TERF1: variants seen among roughly 807,000 people sequenced by gnomAD.
TERF1 encodes the protein telomeric repeat-binding factor 1.
A neutral mutation model predicts 55.1 loss-of-function variants in TERF1; 20 were observed. That is an observed-to-expected ratio of 0.36 (90% CI 0.26 to 0.53). The LOEUF is 0.53. Among genes scored for constraint, TERF1 ranks in the 20% least tolerant of loss-of-function variants. The pLI is 0.91. For missense variants in TERF1, 439 were observed against 535.7 expected (o/e 0.82, Z 1.78); for synonymous variants, 168 against 181.2 (o/e 0.93, Z 0.59).
rs1458423889 is a variant in TERF1 at position 73,024,856 on chromosome 8, A to G, written c.659A>G (p.Gln220Arg). The G allele has an allele frequency of 8.2e-6, 13 of 1,587,794 alleles. No individual in the cohort carries two copies. The highest frequency in any genetic ancestry group is 1.1e-5 in the Non-Finnish European group (13 of 1,170,764). ...AGCAAATTGCTTATGATAATCTCTC[A>G]GAAAGATACATTTCATTCCTTTTTT... ...FKSKLLMIIS[Q>R]KDTFHSFFQH... The change falls in exon 5 of 10, where the codon CAG becomes CGG. Residue 220 changes from glutamine (Q) to arginine (R), a missense_variant. Transcript: ENST00000276603.
intron 2 of TERF1, among the ~76,000 whole-genome samples, chr8:73,015,191 T>C (rs977529853): frequency 1.3e-5 from 2 of 152,148 alleles, no homozygotes; most frequent in African/African-American, 4.8e-5. Context: ...TTTGGATATA[T>C]CCTAGATATA....
At chr8:73,027,107 T>C in intron 6 of TERF1, 55 bp downstream of exon 6, 3 of 1,250,556 alleles carry the variant, frequency 2.4e-6, no homozygotes, top group Non-Finnish European at 3.4e-6. Context: ...TCTGTCTTTA[T>C]GTAAAATTGA....
intron 3 of TERF1, among the ~76,000 whole-genome samples, chr8:73,021,581 CTCT>C (rs1808754119): frequency 1.3e-5 from 2 of 152,104 alleles, no homozygotes; most frequent in South Asian, 4.1e-4. Flanking sequence ...TCACATAAAA[CTCT>C]TACATCCTCA....
Position 73,039,171 on chromosome 8 carries a change from A to G in TERF1, c.1095A>G (p.Ser365=), listed in dbSNP as rs1271795766. The G allele has an allele frequency of 6.2e-7, 1 of 1,606,396 alleles. No individual in the cohort carries two copies. The highest frequency in any genetic ancestry group is 1.7e-5 in the Admixed American group (1 of 59,008). ...RRATESRIPV[S]KSQPVTPEKH... is the part of the protein sequence containing the mutation. ...CCACTGAAAGCAGAATACCTGTTTC[A>G]AAGAGTCAGCCGGTAACTCCTGAAA... Residue 365 remains serine (S), a synonymous_variant, in exon 9 of 10, where the codon TCA becomes TCG. Transcript: ENST00000276603.
intron 8 of TERF1, among the ~76,000 whole-genome samples, chr8:73,037,703 A>G (rs1322903222): frequency 5.4e-4 from 9 of 16,586 alleles, no homozygotes; most frequent in African/African-American, 1.2e-3. Flanking sequence ...ATAGTATAAT[A>G]TTATATTATA....
intron 9 of TERF1, among the ~76,000 whole-genome samples, chr8:73,043,718 A>G (rs56044466): frequency 7.2e-6 from 1 of 137,950 alleles, no homozygotes; most frequent in East Asian, 1.9e-4. Context: ...TTCAGAAAAC[A>G]TTGGTCATTT....
At chr8:73,037,312 T>C (rs1329132656) in intron 8 of TERF1, among the ~76,000 whole-genome samples, 1 of 130,884 alleles carries the variant, frequency 7.6e-6, no homozygotes, top group African/African-American at 2.8e-5. Flanking sequence ...ACCTATCTAC[T>C]TACCTACCTA....
At chr8:73,022,120 A>G (rs899715595) in intron 3 of TERF1, 96 bp from the exon 4 acceptor site, 19 of 682,994 alleles carry the variant, frequency 2.8e-5, no homozygotes, top group Non-Finnish European at 4.2e-5. Flanking sequence ...AATGTTCTCA[A>G]CAGAGGATTT....
In TERF1 at chr8:73,026,981, A is replaced by G. The variant is rs528829977; in HGVS notation, c.816A>G (p.Ile272Met). 6 of 1,612,382 alleles carry G rather than the reference A, an allele frequency of 3.7e-6. No homozygotes were observed. The African/African-American group carries it at 4.0e-5, about 11-fold the overall frequency. Reference protein sequence around the residue: ...KVVESKRTRTITSQDKPSGND... With the variant: ...KVVESKRTRTMTSQDKPSGND... ...TAGAAAGCAAAAGGACAAGAACAAT[A>G]ACTTCTCAAGATAAACCTAGTGGTA... is the stretch of plus-strand genomic sequence containing the variant. Residue 272 changes from isoleucine to methionine, a missense_variant, in exon 6 of 10, where the codon ATA becomes ATG. This residue lies in a region of TERF1 where 140 missense variants were observed against 158.6 expected (regional missense o/e 0.88). Transcript: ENST00000276603.
Position 73,045,939 on chromosome 8 carries a change from CTG to C in TERF1, c.1144-20_1144-19del, listed in dbSNP as rs745807686. 1.4e-6 allele frequency: 2 copies of C among 1,475,236 alleles called. No individual in the cohort carries two copies. The highest frequency in any genetic ancestry group is 1.5e-5 in the South Asian group (1 of 67,780). 91.4% of individuals were successfully genotyped at this position (1,475,236 alleles called of 1,614,324 possible). A position where few individuals can be genotyped will look rare whatever the true frequency, so the allele number is the denominator to read the frequency against. On this transcript the variant is annotated intron_variant, in intron 9 of 9. Coordinates refer to ENST00000276603, the MANE Select transcript of TERF1 (RefSeq NM_017489.3). ...TTTGAATAATTGTTTCTGTAAATAA[CTG>C]TTTTACTTTTTATCAAAAGGCATGG... is the stretch of plus-strand genomic sequence containing the variant.
chr8:73,037,892 TAA>T (rs1809664165), intron 8 of TERF1, among the ~76,000 whole-genome samples: 1 of 121,724 alleles, frequency 8.2e-6, no homozygotes, highest in Non-Finnish European at 1.6e-5. Flanking sequence ...ATATGATATA[TAA>T]TATATATAAA....
At chr8:73,025,780 A>G (rs866554780) in intron 5 of TERF1, among the ~76,000 whole-genome samples, 4 of 127,622 alleles carry the variant, frequency 3.1e-5, no homozygotes, top group African/African-American at 5.8e-5. Flanking sequence ...AAAAAAAAAA[A>G]GCTGGGCATG....
At chr8:73,038,789 C>A in intron 8 of TERF1, 1 of 958,498 alleles carries the variant, frequency 1.0e-6, no homozygotes, top group Non-Finnish European at 1.2e-6. Flanking sequence ...ACTCCTAAAA[C>A]ATTATCGTAA....
At chr8:73,032,934 A>G (rs961855114) in intron 8 of TERF1, among the ~76,000 whole-genome samples, 1 of 151,576 alleles carries the variant, frequency 6.6e-6, no homozygotes, top group Admixed American at 6.6e-5. Context: ...TTTGTTACAT[A>G]TGTATACATG....
chr8:73,018,581 C>T (rs1808624188), intron 2 of TERF1, among the ~76,000 whole-genome samples: 1 of 152,172 alleles, frequency 6.6e-6, no homozygotes, highest in South Asian at 2.1e-4. Flanking sequence ...GAGACTGAAA[C>T]AGCAGAATCG....
intron 4 of TERF1, 131 bp from the exon 5 acceptor site, chr8:73,024,691 T>G (rs1563461977): frequency 2.9e-6 from 2 of 689,746 alleles, no homozygotes; most frequent in Non-Finnish European, 4.6e-6. Context: ...ATTTAAAACT[T>G]AATTTTAAAA....
chr8:73,037,901 T>A (rs1203795315), intron 8 of TERF1, among the ~76,000 whole-genome samples: 6 of 123,246 alleles, frequency 4.9e-5, no homozygotes, highest in Admixed American at 2.2e-4. Context: ...ATAATATATA[T>A]AAATATGATA....
rs1037530113 is a variant in TERF1, at chr8:73,039,134, A to T, written c.1058A>T (p.Glu353Val). The T allele has an allele frequency of 8.8e-6, 14 of 1,587,174 alleles. No individual in the cohort carries two copies. Among genetic ancestry groups the T allele is most frequent in the Non-Finnish European group, 1.2e-5 (14 of 1,170,306 alleles). Residue 353 changes from glutamate (E) to valine (V), a missense_variant, in exon 9 of 10, where the codon GAA becomes GTA. Coordinates refer to ENST00000276603, the MANE Select transcript of TERF1 (RefSeq NM_017489.3). ...CTTTTAGGTACAAAAAAGAAAAAAG[A>T]AAGCAGAAGAGCCACTGAAAGCAGA... ...GTPQSTKKKK[E>V]SRRATESRIP...
chr8:73,014,800 T>TGA (rs898509982), intron 2 of TERF1, among the ~76,000 whole-genome samples: 1 of 152,236 alleles, frequency 6.6e-6, no homozygotes. Context: ...TATCTCTGGC[T>TGA]GATGTAGTCT....
Sources: allele counts gnomAD v4.1 joint callset (sites outside exome capture counted in the v4.1 genomes callset), GRCh38; gene constraint gnomAD v4.1.1; regional missense constraint gnomAD v4.1.1; transcripts MANE v1.5; gene names NCBI Gene and HGNC (gene_info 2026-07-23, HGNC 2026-07-21).